The following IL1RL2 variants were observed in gnomAD, a reference collection of about 807,000 sequenced individuals.
The protein encoded by IL1RL2 is interleukin-1 receptor-like 2.
IL1RL2 carries 68 observed loss-of-function variants against 66.8 expected under a neutral mutation model. That is an observed-to-expected ratio of 1.02 (90% CI 0.84 to 1.25). The LOEUF (loss-of-function observed/expected upper bound fraction) is 1.25. Ranked by LOEUF, IL1RL2 falls within the 50% of genes most tolerant of loss-of-function variation. The pLI, the probability that IL1RL2 is intolerant of heterozygous loss-of-function variation, is 0.00. For missense variants in IL1RL2, 729 were observed against 709.3 expected (o/e 1.03, Z -0.32); for synonymous variants, 305 against 264.6 (o/e 1.15, Z -1.48).
chr2:102,233,220 T>G (rs1691301094), intron 10 of IL1RL2, 96 bp downstream of exon 10: 1 of 1,204,958 alleles, frequency 8.3e-7, no homozygotes, highest in South Asian at 1.5e-5. Flanking sequence ...CTGCCTGCCT[T>G]CCCCATGGAA....
chr2:102,195,193 A>G (rs1687561783), intron 4 of IL1RL2, among the ~76,000 whole-genome samples: 1 of 152,168 alleles, frequency 6.6e-6, no homozygotes, highest in African/African-American at 2.4e-5. Flanking sequence ...GTGTCCTTCT[A>G]AGCAATGGCT....
At chr2:102,219,181 T>C in intron 7 of IL1RL2, 99 bp downstream of exon 7, 1 of 1,307,730 alleles carries the variant, frequency 7.6e-7, no homozygotes, top group Non-Finnish European at 1.1e-6. Flanking sequence ...TGTTTTTGCC[T>C]CTCAATGATT....
At chr2:102,232,209 T>C (rs1404866200) in intron 9 of IL1RL2, among the ~76,000 whole-genome samples, 1 of 151,980 alleles carries the variant, frequency 6.6e-6, no homozygotes, top group East Asian at 1.9e-4. Flanking sequence ...CCTCCCAGGT[T>C]CAAGCGATTC....
At chr2:102,238,591 A>G (rs1403861856) in intron 11 of IL1RL2, among the ~76,000 whole-genome samples, 3 of 152,126 alleles carry the variant, frequency 2.0e-5, no homozygotes, top group Non-Finnish European at 4.4e-5. Context: ...TTTATTTATA[A>G]ACTTCCCTCT....
chr2:102,212,965 C>CAAAAG (rs1689306338), intron 6 of IL1RL2, among the ~76,000 whole-genome samples: 1 of 146,004 alleles, frequency 6.8e-6, no homozygotes, highest in African/African-American at 2.7e-5. Context: ...GACTCCGTCT[C>CAAAAG]AAAACAAAAC....
At chr2:102,231,130 A>G (rs984108342) in intron 9 of IL1RL2, among the ~76,000 whole-genome samples, 32 of 152,310 alleles carry the variant, frequency 2.1e-4, no homozygotes, top group African/African-American at 7.7e-4. Context: ...CTTCCACTCA[A>G]GCCCTCTGGC....
At chr2:102,217,905 C>T (rs925809444) in intron 6 of IL1RL2, among the ~76,000 whole-genome samples, 1 of 152,048 alleles carries the variant, frequency 6.6e-6, no homozygotes, top group Non-Finnish European at 1.5e-5. Flanking sequence ...AAAGCACAGA[C>T]AACAAAAGTT....
intron 8 of IL1RL2, among the ~76,000 whole-genome samples, chr2:102,224,047 T>C (rs3771185): frequency 0.44 from 67,029 of 152,048 alleles, 15,325 homozygotes; most frequent in East Asian, 0.61. Flanking sequence ...AGATGTGCAA[T>C]AGTAAATGAG....
chr2:102,230,914 G>A (rs931333587), intron 9 of IL1RL2, among the ~76,000 whole-genome samples: 1 of 152,180 alleles, frequency 6.6e-6, no homozygotes, highest in African/African-American at 2.4e-5. Flanking sequence ...TTATTTGGAC[G>A]AAAGCTAGAA....
intron 5 of IL1RL2, among the ~76,000 whole-genome samples, chr2:102,202,781 G>A (rs1688375810): frequency 6.6e-6 from 1 of 152,066 alleles, no homozygotes; most frequent in African/African-American, 2.4e-5. Context: ...GTTTTCTTGT[G>A]GAGTCTTTAG....
intron 2 of IL1RL2, among the ~76,000 whole-genome samples, chr2:102,188,337 T>C (rs568034450): frequency 7.4e-4 from 112 of 152,124 alleles, no homozygotes; most frequent in Non-Finnish European, 1.4e-3. Context: ...GTAATCCCAG[T>C]ACTTTGGGAG....
At position 102,236,342 on chromosome 2, in the gene IL1RL2, T is replaced by C. The variant is rs10167431; in HGVS notation, c.1678+1065T>C. On this transcript the variant is annotated intron_variant, in intron 11 of 11. Coordinates refer to ENST00000264257, the MANE Select transcript of IL1RL2 (RefSeq NM_003854.4). ...CCAGAGGGTGTCAGGAGGCCTGTGG[T>C]CTTAGGATGGCATGGGGAGCAGGGT... is the stretch of plus-strand genomic sequence containing the variant. 0.55 allele frequency among the ~76,000 whole-genome samples: 84,203 copies of C among 151,862 alleles called. 23,559 individuals carry two copies. Among genetic ancestry groups the C allele is most frequent in the East Asian group, 0.67 (3,449 of 5,124 alleles).
chr2:102,188,056 T>C, intron 2 of IL1RL2, 131 bp downstream of exon 2: 1 of 829,540 alleles, frequency 1.2e-6, no homozygotes, highest in Non-Finnish European at 2.0e-6. Flanking sequence ...CCAGGCGGAG[T>C]TCCGCGGAAG....
At chr2:102,219,525 A>G (rs928227288) in intron 7 of IL1RL2, among the ~76,000 whole-genome samples, 17 of 152,198 alleles carry the variant, frequency 1.1e-4, no homozygotes, top group African/African-American at 3.9e-4. Context: ...TTATGGTGGT[A>G]TAAATGGAGT....
chr2:102,200,701 A>C (rs1455440148), intron 4 of IL1RL2, among the ~76,000 whole-genome samples: 2 of 152,108 alleles, frequency 1.3e-5, no homozygotes, highest in Non-Finnish European at 2.9e-5. Context: ...AAGGTGGCCC[A>C]AGGGATGGAA....
At chr2:102,236,731 T>TATTGCCTTCCC (rs571158055) in intron 11 of IL1RL2, among the ~76,000 whole-genome samples, 1 of 152,176 alleles carries the variant, frequency 6.6e-6, no homozygotes, top group Non-Finnish European at 1.5e-5. Flanking sequence ...TATGCCTCCC[T>TATTGCCTTCCC]ATTGCCTTCC....
At chr2:102,187,343 G>A in intron 1 of IL1RL2, 3 of 1,168,724 alleles carry the variant, frequency 2.6e-6, no homozygotes, top group Non-Finnish European at 3.2e-6. Flanking sequence ...CCCTTGCCAG[G>A]TAGGCCTGCC....
chr2:102,223,295 T>A (rs1922293), intron 8 of IL1RL2, among the ~76,000 whole-genome samples: 1 of 152,024 alleles, frequency 6.6e-6, no homozygotes, highest in East Asian at 1.9e-4. Context: ...GACTTCCTTA[T>A]GTTTGTTAAA....
chr2:102,221,636 C>T (rs151051387), intron 8 of IL1RL2, among the ~76,000 whole-genome samples: 34 of 151,044 alleles, frequency 2.3e-4, no homozygotes, highest in East Asian at 8.1e-4. Flanking sequence ...TTCCCACTAA[C>T]GAGCTGGATG....
Sources: allele counts gnomAD v4.1 joint callset (sites outside exome capture counted in the v4.1 genomes callset), GRCh38; gene constraint gnomAD v4.1.1; transcripts MANE v1.5; gene names NCBI Gene and HGNC (gene_info 2026-07-23, HGNC 2026-07-21).